Variants in CDH12 observed in about 807,000 individuals in gnomAD.
CDH12 encodes the protein cadherin 12, also known as cadherin-12.
In CDH12, 41 loss-of-function variants were observed where a neutral mutation model predicts 74.1. The ratio of observed to expected loss-of-function variants is 0.55; its 90% CI spans 0.43 to 0.72. The LOEUF is 0.72. Among genes scored for constraint, CDH12 ranks in the 30% least tolerant of loss-of-function variants. CDH12 has a pLI of 0.00. For missense variants in CDH12, 945 were observed against 977.2 expected, an observed-to-expected ratio of 0.97 and a Z score of 0.44; for synonymous variants, 399 against 355.0, an observed-to-expected ratio of 1.12 and a Z score of -1.39.
At chr5:22,116,696 A>T (rs1745131616) in intron 4 of CDH12, among the ~76,000 whole-genome samples, 1 of 151,966 alleles carries the variant, frequency 6.6e-6, no homozygotes, top group Non-Finnish European at 1.5e-5. Context: ...TTAAGCAGAA[A>T]AGTAGCCCCA....
At chr5:21,930,397 C>T (rs988261346) in intron 6 of CDH12, among the ~76,000 whole-genome samples, 3 of 152,166 alleles carry the variant, frequency 2.0e-5, no homozygotes, top group African/African-American at 7.2e-5. Flanking sequence ...GAAGTTTTTA[C>T]ACAAAGTGTA....
chr5:21,969,496 T>C (rs2150117564), intron 6 of CDH12, among the ~76,000 whole-genome samples: 1 of 152,150 alleles, frequency 6.6e-6, no homozygotes, highest in Admixed American at 6.5e-5. Context: ...TAGCTCTCTT[T>C]TGGGTAGTTC....
At chr5:22,092,900 G>A (rs183926999) in intron 4 of CDH12, among the ~76,000 whole-genome samples, 5 of 152,172 alleles carry the variant, frequency 3.3e-5, no homozygotes, top group Non-Finnish European at 7.3e-5. Context: ...ATATTCATAT[G>A]TAGAGGGTTC....
chr5:21,777,526 A>AT (rs67741612), intron 11 of CDH12, among the ~76,000 whole-genome samples: 2,374 of 142,490 alleles, frequency 0.017, 50 homozygotes, highest in African/African-American at 0.054. Context: ...TACCACTAAC[A>AT]TTTTTTTTTT....
chr5:22,026,693 T>C, intron 5 of CDH12, among the ~76,000 whole-genome samples: 1 of 152,142 alleles, frequency 6.6e-6, no homozygotes, highest in Admixed American at 6.6e-5. Context: ...ATTATACTTA[T>C]CCATATAGTG....
At chr5:22,266,743 G>T (rs1481057817) in intron 3 of CDH12, among the ~76,000 whole-genome samples, 1 of 152,100 alleles carries the variant, frequency 6.6e-6, no homozygotes, top group Non-Finnish European at 1.5e-5. Context: ...CAACAGCAGA[G>T]AAATGCACTT....
chr5:22,193,859 G>A (rs1750447411), intron 4 of CDH12, among the ~76,000 whole-genome samples: 2 of 152,196 alleles, frequency 1.3e-5, no homozygotes, highest in Admixed American at 6.5e-5. Flanking sequence ...GATAGCCTAC[G>A]CAAGGTATTA....
rs996887094 is a variant in CDH12, at chr5:22,364,778, T to G, written c.-333+40479A>C. Among the ~76,000 whole-genome samples, 10 of 152,202 alleles carry G rather than the reference T, an allele frequency of 6.6e-5. 1 individual carries two copies. Among genetic ancestry groups the G allele is most frequent in the African/African-American group, 1.9e-4 (8 of 41,464 alleles). On this transcript the variant is annotated intron_variant, in intron 3 of 14. Transcript: ENST00000382254. Reference sequence around the variant, plus strand: ...GTTTCTATGTAAATAATTTATGAATTTTATCTGTGATCAGATGGCTCCTTT... The same window carrying G: ...GTTTCTATGTAAATAATTTATGAATGTTATCTGTGATCAGATGGCTCCTTT...
intron 2 of CDH12, among the ~76,000 whole-genome samples, chr5:22,488,316 AT>A (rs1024545104): frequency 6.6e-6 from 1 of 151,964 alleles, no homozygotes; most frequent in African/African-American, 2.4e-5. Context: ...TAAAAGAAAT[AT>A]TTTTTTCCGT....
intron 5 of CDH12, among the ~76,000 whole-genome samples, chr5:22,042,725 A>C (rs1389275866): frequency 6.6e-6 from 1 of 151,916 alleles, no homozygotes; most frequent in Non-Finnish European, 1.5e-5. Context: ...ATTTCTACAA[A>C]AAATAATAAA....
chr5:22,293,461 T>A (rs940693415), intron 3 of CDH12, among the ~76,000 whole-genome samples: 1 of 152,202 alleles, frequency 6.6e-6, no homozygotes, highest in African/African-American at 2.4e-5. Context: ...GCAATCCCAC[T>A]ATTAGGTATA....
chr5:21,837,389 C>A (rs555779562), intron 8 of CDH12, among the ~76,000 whole-genome samples: 3 of 150,290 alleles, frequency 2.0e-5, no homozygotes, highest in East Asian at 3.9e-4. Flanking sequence ...AAATGCTTTA[C>A]AATTAGTAAA....
At chr5:21,837,541 T>C (rs1749607517) in intron 8 of CDH12, among the ~76,000 whole-genome samples, 2 of 151,970 alleles carry the variant, frequency 1.3e-5, no homozygotes, top group Admixed American at 6.6e-5. Context: ...AATTCTTTCT[T>C]ATGTATGTAT....
At chr5:22,384,399 G>T (rs915799134) in intron 3 of CDH12, among the ~76,000 whole-genome samples, 1 of 150,636 alleles carries the variant, frequency 6.6e-6, no homozygotes, top group African/African-American at 2.4e-5. Flanking sequence ...GATGGTGGGC[G>T]CCTGTAGTCC....
chr5:22,180,822 A>G (rs1476079584), intron 4 of CDH12, among the ~76,000 whole-genome samples: 1 of 152,076 alleles, frequency 6.6e-6, no homozygotes, highest in Non-Finnish European at 1.5e-5. Flanking sequence ...TTGAATGCCC[A>G]TAGAGAATAC....
intron 5 of CDH12, among the ~76,000 whole-genome samples, chr5:22,067,310 C>T (rs1174545912): frequency 6.6e-6 from 1 of 152,088 alleles, no homozygotes; most frequent in Admixed American, 6.6e-5. Context: ...TTTGTGGGAG[C>T]CTAGTACTAC....
intron 1 of CDH12, among the ~76,000 whole-genome samples, chr5:22,737,481 C>T (rs549825253): frequency 1.3e-5 from 2 of 151,798 alleles, no homozygotes; most frequent in East Asian, 1.9e-4. Flanking sequence ...TAATTAATCA[C>T]CAAACGAGCA....
At chr5:22,655,373 A>C (rs1191879915) in intron 1 of CDH12, among the ~76,000 whole-genome samples, 3 of 152,134 alleles carry the variant, frequency 2.0e-5, no homozygotes, top group African/African-American at 7.2e-5. Flanking sequence ...CCTCCTTTAC[A>C]TTCACTTCCT....
At chr5:22,067,506 TG>T (rs956549953) in intron 5 of CDH12, among the ~76,000 whole-genome samples, 1 of 151,966 alleles carries the variant, frequency 6.6e-6, no homozygotes, top group African/African-American at 2.4e-5. Context: ...TAGTTTTGAG[TG>T]GGGGACAGAA....
Sources: gnomAD v4.1 joint callset for allele counts (sites outside exome capture counted in the v4.1 genomes callset) on GRCh38, gnomAD v4.1.1 for gene constraint, MANE v1.5 for transcripts, NCBI Gene and HGNC (gene_info 2026-07-23, HGNC 2026-07-21) for gene names.